Variants in FAF1 observed in about 807,000 individuals in gnomAD.
The protein encoded by FAF1 is FAS-associated factor 1.
FAF1 carries 25 observed loss-of-function variants against 92.5 expected under a neutral mutation model. That is an observed-to-expected ratio of 0.27 (90% CI 0.20 to 0.38). FAF1 has a LOEUF of 0.38. FAF1 is among the 10% of genes least tolerant of loss of function. FAF1 has a pLI of 1.00. For missense variants in FAF1, 636 were observed against 793.3 expected (o/e 0.80, Z 2.38); for synonymous variants, 234 against 273.2 (o/e 0.86, Z 1.42).
chr1:50,654,710 A>G (rs977787474), intron 8 of FAF1, among the ~76,000 whole-genome samples: 8 of 152,196 alleles, frequency 5.3e-5, no homozygotes, highest in African/African-American at 1.2e-4. Flanking sequence ...AAATATAATG[A>G]TTAGCTTGAT....
chr1:50,649,796 AAAAAAG>A (rs1460659706), intron 8 of FAF1, among the ~76,000 whole-genome samples: 130 of 151,388 alleles, frequency 8.6e-4, no homozygotes, highest in African/African-American at 3.1e-3. Flanking sequence ...AAAAAAAAAA[AAAAAAG>A]AAAAAGAAAA....
chr1:50,785,529 TACTC>T (rs1437941446), intron 4 of FAF1, among the ~76,000 whole-genome samples: 1 of 151,594 alleles, frequency 6.6e-6, no homozygotes, highest in Non-Finnish European at 1.5e-5. Flanking sequence ...TATGAAAAGA[TACTC>T]AACATCACTA....
At chr1:50,777,541 G>A (rs1166095759) in intron 4 of FAF1, among the ~76,000 whole-genome samples, 3 of 151,910 alleles carry the variant, frequency 2.0e-5, no homozygotes, top group Non-Finnish European at 4.4e-5. Context: ...TTTTCAAGGG[G>A]ACCTTAAACT....
At chr1:50,614,819 G>A (rs1414150885) in intron 8 of FAF1, among the ~76,000 whole-genome samples, 2 of 132,518 alleles carry the variant, frequency 1.5e-5, no homozygotes, top group Non-Finnish European at 3.1e-5. Flanking sequence ...AGCCTGGGCC[G>A]CAACAGCGAA....
intron 8 of FAF1, among the ~76,000 whole-genome samples, chr1:50,646,657 T>C (rs1454625160): frequency 6.6e-6 from 1 of 152,184 alleles, no homozygotes; most frequent in African/African-American, 2.4e-5. Context: ...GTTAGCAAAA[T>C]TGGTTGTTCC....
chr1:50,524,931 G>T (rs530855958), intron 15 of FAF1, among the ~76,000 whole-genome samples: 5 of 152,054 alleles, frequency 3.3e-5, no homozygotes, highest in African/African-American at 1.2e-4. Flanking sequence ...TGTTGCCCAG[G>T]GTGTAGTGCA....
chr1:50,862,957 T>C (rs1644448301), intron 1 of FAF1, among the ~76,000 whole-genome samples: 1 of 151,918 alleles, frequency 6.6e-6, no homozygotes. Context: ...CTGACAGCAC[T>C]AGACAGAAAG....
chr1:50,721,993 G>C (rs1038975116), intron 6 of FAF1, among the ~76,000 whole-genome samples: 3 of 152,126 alleles, frequency 2.0e-5, no homozygotes, highest in African/African-American at 7.2e-5. Flanking sequence ...GCATGAAGAA[G>C]TCACACTCAC....
intron 13 of FAF1, among the ~76,000 whole-genome samples, chr1:50,565,024 T>C (rs1181075707): frequency 6.6e-6 from 1 of 152,066 alleles, no homozygotes; most frequent in African/African-American, 2.4e-5. Flanking sequence ...GGAGGGTACA[T>C]GTGAAGGTTT....
At chr1:50,840,418 C>G (rs529090474) in intron 2 of FAF1, among the ~76,000 whole-genome samples, 2 of 151,508 alleles carry the variant, frequency 1.3e-5, no homozygotes, top group Admixed American at 1.3e-4. Flanking sequence ...AGAAGAAAAT[C>G]CAAATATAAT....
At chr1:50,944,646 C>A (rs190153586) in intron 1 of FAF1, among the ~76,000 whole-genome samples, 4 of 152,256 alleles carry the variant, frequency 2.6e-5, no homozygotes, top group Admixed American at 1.3e-4. Context: ...ACTCAGCAAG[C>A]AGTATACTCA....
At chr1:50,444,271 G>A (rs987048504) in intron 18 of FAF1, among the ~76,000 whole-genome samples, 2 of 152,222 alleles carry the variant, frequency 1.3e-5, no homozygotes, top group Non-Finnish European at 1.5e-5. Flanking sequence ...CATGCCAGGA[G>A]GGACCTCCTG....
At chr1:50,832,698 C>G (rs1184616634) in intron 2 of FAF1, among the ~76,000 whole-genome samples, 1 of 152,186 alleles carries the variant, frequency 6.6e-6, no homozygotes. Flanking sequence ...TTCTCCACCT[C>G]TTTTCCCTGT....
intron 1 of FAF1, among the ~76,000 whole-genome samples, chr1:50,888,540 G>A (rs1485670102): frequency 3.3e-5 from 5 of 152,242 alleles, no homozygotes; most frequent in Non-Finnish European, 5.9e-5. Flanking sequence ...ATTATATTGA[G>A]ATACATCCCA....
intron 8 of FAF1, among the ~76,000 whole-genome samples, chr1:50,639,131 T>C (rs1355901389): frequency 6.6e-6 from 1 of 152,252 alleles, no homozygotes; most frequent in Non-Finnish European, 1.5e-5. Context: ...ATCAGTAGTT[T>C]GCTGCTTTTC....
intron 13 of FAF1, among the ~76,000 whole-genome samples, chr1:50,543,786 G>T: frequency 6.6e-6 from 1 of 151,220 alleles, no homozygotes. Context: ...AAAATGAATG[G>T]GCAGGTATCA....
chr1:50,890,474 T>G (rs1644709393), intron 1 of FAF1, among the ~76,000 whole-genome samples: 1 of 152,218 alleles, frequency 6.6e-6, no homozygotes, highest in Admixed American at 6.5e-5. Context: ...CTTTACAATT[T>G]GGCATGTTTT....
intron 6 of FAF1, among the ~76,000 whole-genome samples, chr1:50,713,251 T>TA (rs76852690): frequency 2.8e-3 from 208 of 73,748 alleles, no homozygotes; most frequent in Non-Finnish European, 3.9e-3. Flanking sequence ...ATGAAACAGT[T>TA]AAAAAAAAAA....
intron 6 of FAF1, among the ~76,000 whole-genome samples, chr1:50,718,183 A>C (rs1195920404): frequency 1.3e-5 from 2 of 151,948 alleles, no homozygotes; most frequent in African/African-American, 4.8e-5. Context: ...AGCTGGGATT[A>C]CCACGCTCAG....
Sources: allele counts gnomAD v4.1 joint callset (sites outside exome capture counted in the v4.1 genomes callset), GRCh38; gene constraint gnomAD v4.1.1; transcripts MANE v1.5; gene names NCBI Gene and HGNC (gene_info 2026-07-23, HGNC 2026-07-21).